Variants in SLC43A2 observed in about 807,000 individuals in gnomAD.
The protein encoded by SLC43A2 is solute carrier family 43 member 2.
Under a neutral mutation model 63.2 loss-of-function variants are expected in SLC43A2, and 38 were observed. That is an observed-to-expected ratio of 0.60 (90% CI 0.46 to 0.79). The LOEUF is 0.79. SLC43A2 is among the 30% of genes least tolerant of loss of function. The probability of loss-of-function intolerance (pLI) is 0.00; values close to 1 mark genes in which losing one functional copy is unlikely to be tolerated. For missense variants in SLC43A2, 644 were observed against 756.2 expected (o/e 0.85, Z 1.74); for synonymous variants, 322 against 331.0 (o/e 0.97, Z 0.30).
In SLC43A2 at chr17:1,615,170, C is replaced by T. The variant is rs1013073150; in HGVS notation, c.369-136G>A. On this transcript the variant is annotated intron_variant, in intron 3 of 13. Transcript: ENST00000301335. ...TCACCCGGGCTGGAGTGCAGTGGCG[C>T]GATCTCGGCTCACTGCAACCTCCGC... 59 of 979,718 alleles carry T rather than the reference C, an allele frequency of 6.0e-5. 1 individual carries two copies. The highest frequency in any genetic ancestry group is 1.1e-4 in the South Asian group (8 of 69,922). 60.7% of individuals were successfully genotyped at this position (979,718 alleles called of 1,614,324 possible). A position where few individuals can be genotyped will look rare whatever the true frequency, so the allele number is the denominator to read the frequency against.
chr17:1,585,127 AG>A, intron 10 of SLC43A2: 1 of 982,898 alleles, frequency 1.0e-6, no homozygotes, highest in Non-Finnish European at 1.2e-6. Context: ...AAGATGGTGT[AG>A]CCACTGCCAA....
At position 1,576,668 on chromosome 17, in the gene SLC43A2, C is replaced by T. The variant is rs549192546; in HGVS notation, c.1477G>A (p.Ala493Thr). The change falls in exon 13 of 14, where the codon GCG becomes ACG. Residue 493 changes from alanine (A) to threonine (T), a missense_variant. By Grantham distance (58) the Ala-to-Thr change is moderately conservative. This residue lies in a region of SLC43A2 where 105 missense variants were observed against 101.7 expected (regional missense o/e 1.03). Coordinates refer to ENST00000301335, the MANE Select transcript of SLC43A2 (RefSeq NM_152346.3). ...GGCTGCTGCAGAAGGGCGAAGAGCGCGCTGATCAGAGACTGCAGTCCCGTG... is the reference window on the plus strand; with the variant it reads ...GGCTGCTGCAGAAGGGCGAAGAGCGTGCTGATCAGAGACTGCAGTCCCGTG... ...SLTGLQSLIS[A>T]LFALLQQPLF... The T allele has an allele frequency of 1.2e-6, 2 of 1,611,148 alleles. No homozygotes were observed. Among genetic ancestry groups the T allele is most frequent in the African/African-American group, 1.3e-5 (1 of 75,058 alleles).
chr17:1,587,236 AGGCGGACT>A (rs1291263917), intron 9 of SLC43A2, among the ~76,000 whole-genome samples: 3 of 152,196 alleles, frequency 2.0e-5, no homozygotes, highest in Non-Finnish European at 4.4e-5. Flanking sequence ...GCCGGGTCAC[AGGCGGACT>A]GGTGAATCAG....
chr17:1,622,751 T>C (rs1390172128), intron 2 of SLC43A2, among the ~76,000 whole-genome samples: 2 of 151,144 alleles, frequency 1.3e-5, no homozygotes, highest in Non-Finnish European at 2.9e-5. Context: ...CTGTCTCTAC[T>C]AAAAATACAA....
In SLC43A2 at chr17:1,590,880, T is replaced by C. The variant is rs1407572290; in HGVS notation, c.1000A>G (p.Thr334Ala). ...ATGTAGAAGATGAGCCGCAGCTGCGTGACGCACATGGTGACCAGGCTGAGC... is the reference window on the plus strand; with the variant it reads ...ATGTAGAAGATGAGCCGCAGCTGCGCGACGCACATGGTGACCAGGCTGAGC... ...LLLSLVTMCVTQLRLIFYMGA... is the reference protein window; with the variant it reads ...LLLSLVTMCVAQLRLIFYMGA... Residue 334 changes from threonine (T) to alanine (A), a missense_variant, in exon 9 of 14, where the codon ACG becomes GCG. Thr to Ala is a moderately conservative substitution (Grantham distance 58). Coordinates refer to ENST00000301335, the MANE Select transcript of SLC43A2 (RefSeq NM_152346.3). 1 of 1,553,368 alleles carries C rather than the reference T, an allele frequency of 6.4e-7. No individual in the cohort carries two copies. Among genetic ancestry groups the C allele is most frequent in the Admixed American group, 2.0e-5 (1 of 51,000 alleles).
At chr17:1,575,966 C>A (rs1024722553) in intron 13 of SLC43A2, among the ~76,000 whole-genome samples, 2 of 152,142 alleles carry the variant, frequency 1.3e-5, no homozygotes, top group Non-Finnish European at 2.9e-5. Context: ...AGGGCCTGGG[C>A]CCCCAGGAAA....
chr17:1,618,098 T>C (rs997098498), intron 2 of SLC43A2, among the ~76,000 whole-genome samples: 1 of 152,226 alleles, frequency 6.6e-6, no homozygotes, highest in Admixed American at 6.5e-5. Context: ...TGCAAAAGCT[T>C]GCTCAGGCCT....
intron 5 of SLC43A2, chr17:1,604,841 G>A: frequency 6.5e-7 from 1 of 1,535,698 alleles, no homozygotes; most frequent in South Asian, 1.2e-5. Context: ...CTGACATCTG[G>A]GTCACTCCCC....
intron 5 of SLC43A2, among the ~76,000 whole-genome samples, chr17:1,594,049 G>C (rs1404910096): frequency 6.6e-6 from 1 of 152,112 alleles, no homozygotes; most frequent in Non-Finnish European, 1.5e-5. Context: ...ATGTTGGCCA[G>C]GCTGATCTCA....
At chr17:1,598,247 C>T (rs569600591) in intron 5 of SLC43A2, among the ~76,000 whole-genome samples, 84 of 152,296 alleles carry the variant, frequency 5.5e-4, no homozygotes, top group African/African-American at 2.0e-3. Context: ...ACAGTGAAAC[C>T]TTGTCTCTAC....
chr17:1,572,839 A>C lies in SLC43A2; in HGVS notation c.*2765T>G, dbSNP rs2075866163. On this transcript the variant is annotated 3_prime_UTR_variant, in exon 14 of 14. Transcript: ENST00000301335. ...CTGCCCACTTTGGCTGGGACTGGGC[A>C]CTGCTGGGGACAGCACGGGCCACGT... The C allele has an allele frequency of 6.6e-6, 1 of 152,210 alleles. No homozygotes were observed. The highest frequency in any genetic ancestry group is 2.1e-4 in the South Asian group (1 of 4,842). 9.4% of individuals were successfully genotyped at this position (152,210 alleles called of 1,614,324 possible).
At chr17:1,596,657 C>T (rs897947698) in intron 5 of SLC43A2, among the ~76,000 whole-genome samples, 155 of 152,114 alleles carry the variant, frequency 1.0e-3, no homozygotes, top group Non-Finnish European at 3.5e-4. Flanking sequence ...TCGGCCCACT[C>T]CAACCTCTGT....
intron 13 of SLC43A2, 107 bp from the exon 14 acceptor site, chr17:1,575,872 G>T (rs1331272516): frequency 7.8e-7 from 1 of 1,277,584 alleles, no homozygotes; most frequent in East Asian, 2.5e-5. Context: ...CGGGGTGGAA[G>T]GGGGAACGAA....
At chr17:1,594,117 G>C (rs912730716) in intron 5 of SLC43A2, among the ~76,000 whole-genome samples, 5 of 151,970 alleles carry the variant, frequency 3.3e-5, no homozygotes, top group Non-Finnish European at 7.4e-5. Flanking sequence ...GAGCCACCGC[G>C]CCCGGCCTCC....
intron 9 of SLC43A2, chr17:1,586,936 A>ACCCCCCCC: frequency 8.0e-6 from 4 of 501,650 alleles, no homozygotes; most frequent in South Asian, 5.2e-5. Flanking sequence ...AATCCCCCCC[A>ACCCCCCCC]CCCCCCGCTT....
intron 5 of SLC43A2, among the ~76,000 whole-genome samples, chr17:1,610,909 C>T (rs1231549291): frequency 4.7e-5 from 7 of 150,400 alleles, no homozygotes; most frequent in Admixed American, 3.3e-4. Flanking sequence ...GGCGCGATCT[C>T]GGCTCACTGC....
At position 1,578,518 on chromosome 17, in the gene SLC43A2, T is replaced by TTTGTTTGTTTTG. The variant is rs1203761159; in HGVS notation, c.1351-207_1351-196dup. ...CGTTAACACAGTCATTTTTTGTTTGTTTGTTTGTTTTGTTTTTTGTTTTGT... is the reference window on the plus strand; with the variant it reads ...CGTTAACACAGTCATTTTTTGTTTGTTTGTTTGTTTTGTTGTTTGTTTTGTTTTTTGTTTTGT... On this transcript the variant is annotated intron_variant, in intron 11 of 13. Transcript: ENST00000301335. This position sits in a 1 kb window ranked among gnomAD's most constrained non-coding sequence, Gnocchi z 6.5. 26 of 547,788 alleles carry TTTGTTTGTTTTG rather than the reference T, an allele frequency of 4.7e-5. No homozygotes were observed. In the East Asian group the frequency reaches 7.3e-4, roughly 15 times the overall value. 33.9% of individuals were successfully genotyped at this position (547,788 alleles called of 1,614,324 possible).
rs909400140 is a variant in SLC43A2, at chr17:1,606,287, C to T, written c.501+6908G>A. 1.3e-5 allele frequency among the ~76,000 whole-genome samples: 2 copies of T among 152,196 alleles called. No individual in the cohort carries two copies. Among genetic ancestry groups the T allele is most frequent in the African/African-American group, 4.8e-5 (2 of 41,450 alleles). ...CCCCTCTCTGGGGGCATCTGCCATC[C>T]TGCCCTCCTCTCCAGGATCTGAAGA... On this transcript the variant is annotated intron_variant, in intron 5 of 13. Transcript: ENST00000301335. This position sits in a 1 kb window ranked among gnomAD's most constrained non-coding sequence, Gnocchi z 4.7.
chr17:1,586,861 T>C, intron 9 of SLC43A2: 7 of 1,429,540 alleles, frequency 4.9e-6, no homozygotes, highest in Non-Finnish European at 4.7e-6. Context: ...GTCTGGAGCT[T>C]GAGGTGAGGA....
Sources: allele counts gnomAD v4.1 joint callset (sites outside exome capture counted in the v4.1 genomes callset), GRCh38; gene constraint gnomAD v4.1.1; regional missense constraint gnomAD v4.1.1; non-coding constraint Gnocchi (gnomAD v3.1); transcripts MANE v1.5; gene names NCBI Gene and HGNC (gene_info 2026-07-23, HGNC 2026-07-21).